Variants in PRKCA observed in about 807,000 individuals in gnomAD.
PRKCA encodes protein kinase C alpha type.
A neutral mutation model predicts 87.0 loss-of-function variants in PRKCA; 27 were observed. The ratio of observed to expected loss-of-function variants is 0.31; its 90% CI spans 0.23 to 0.43. The LOEUF is 0.43. PRKCA is among the 20% of genes least tolerant of loss of function. PRKCA has a pLI of 1.00. For synonymous variants in PRKCA, 329 were observed against 311.1 expected (o/e 1.06, Z -0.61); for missense variants, 518 against 852.3 (o/e 0.61, Z 4.88).
chr17:66,526,206 C>T (rs1209717310), intron 3 of PRKCA, among the ~76,000 whole-genome samples: 18 of 152,044 alleles, frequency 1.2e-4, no homozygotes, highest in African/African-American at 2.2e-4. Context: ...TATGTATATC[C>T]GAAAATTATT....
At chr17:66,652,965 C>G (rs1265513449) in intron 5 of PRKCA, among the ~76,000 whole-genome samples, 1 of 152,256 alleles carries the variant, frequency 6.6e-6, no homozygotes, top group Non-Finnish European at 1.5e-5. Context: ...TGGTTCTGCA[C>G]TGAGGCTGGG....
intron 8 of PRKCA, among the ~76,000 whole-genome samples, chr17:66,695,948 A>T (rs939812990): frequency 6.6e-6 from 1 of 152,194 alleles, no homozygotes; most frequent in Non-Finnish European, 1.5e-5. Flanking sequence ...GAGCTCTCTA[A>T]AGGGAAATAC....
At chr17:66,353,389 A>G (rs999473632) in intron 2 of PRKCA, among the ~76,000 whole-genome samples, 26 of 152,116 alleles carry the variant, frequency 1.7e-4, no homozygotes, top group Admixed American at 1.6e-3. Context: ...GATTCAGAAA[A>G]GGAGTTTGCT....
chr17:66,645,084 C>T, intron 4 of PRKCA, among the ~76,000 whole-genome samples: 1 of 152,208 alleles, frequency 6.6e-6, no homozygotes, highest in Middle Eastern at 3.4e-3. Flanking sequence ...TACATATTTA[C>T]CTGTGTGAAT....
intron 8 of PRKCA, chr17:66,703,238 CA>C (rs1250024164): frequency 1.3e-5 from 2 of 152,072 alleles, no homozygotes; most frequent in Non-Finnish European, 2.9e-5. Context: ...TATAGCTGTA[CA>C]AAAATATTTT....
chr17:66,453,017 G>A (rs1176214665), intron 2 of PRKCA, among the ~76,000 whole-genome samples: 3 of 152,254 alleles, frequency 2.0e-5, no homozygotes, highest in Non-Finnish European at 4.4e-5. Context: ...CATTTGTACA[G>A]TTGGTGGCAT....
At chr17:66,773,525 AT>A (rs967913272) in intron 13 of PRKCA, among the ~76,000 whole-genome samples, 5 of 140,634 alleles carry the variant, frequency 3.6e-5, no homozygotes, top group Admixed American at 7.1e-5. Flanking sequence ...AATTAAAAAA[AT>A]TTTTTTTAAT....
chr17:66,738,237 C>T (rs1029350718), intron 10 of PRKCA, among the ~76,000 whole-genome samples: 1 of 152,202 alleles, frequency 6.6e-6, no homozygotes, highest in African/African-American at 2.4e-5. Flanking sequence ...AGTCCCCTGT[C>T]CCATGTCCAG....
chr17:66,553,887 G>T lies in PRKCA; in HGVS notation c.288+57604G>T, dbSNP rs75799650. ...GTTCAGGAGATGAAGTGTGTGGCCG[G>T]GGTGATCCAGAGAGTCTCCTTGAAA... On this transcript the variant is annotated intron_variant, in intron 3 of 16. Coordinates refer to ENST00000413366, the MANE Select transcript of PRKCA (RefSeq NM_002737.3). Among the ~76,000 whole-genome samples the T allele has an allele frequency of 2.3e-4, 35 of 152,274 alleles. No individual in the cohort carries two copies. In the East Asian group the frequency reaches 6.2e-3, roughly 27 times the overall value.
intron 2 of PRKCA, among the ~76,000 whole-genome samples, chr17:66,409,792 G>T (rs761758797): frequency 2.0e-5 from 3 of 152,174 alleles, no homozygotes; most frequent in Non-Finnish European, 4.4e-5. Context: ...TTAGCCAGAC[G>T]TGGTGGCAGG....
At chr17:66,428,912 G>A (rs185599673) in intron 2 of PRKCA, among the ~76,000 whole-genome samples, 3 of 152,226 alleles carry the variant, frequency 2.0e-5, no homozygotes, top group South Asian at 2.1e-4. Context: ...ATTTAAACTC[G>A]TACTTAAGCA....
intron 8 of PRKCA, among the ~76,000 whole-genome samples, chr17:66,717,115 C>G (rs938823739): frequency 1.3e-5 from 2 of 152,158 alleles, no homozygotes; most frequent in East Asian, 1.9e-4. Context: ...TAAGAAGATA[C>G]AGACATTGTA....
intron 2 of PRKCA, among the ~76,000 whole-genome samples, chr17:66,336,754 TTGTGTGTGTGTGTGTGTG>T (rs148842588): frequency 0.038 from 5,025 of 133,720 alleles, 274 homozygotes; most frequent in African/African-American, 0.13. Context: ...GCAAATAAGT[TTGTGTGTGTGTGTGTGTG>T]TGTGTGTGTG....
chr17:66,317,067 G>A (rs984917597), intron 2 of PRKCA, among the ~76,000 whole-genome samples: 3 of 151,832 alleles, frequency 2.0e-5, no homozygotes, highest in East Asian at 1.9e-4. Flanking sequence ...GCGTGAACCC[G>A]GAAAGCGGAG....
intron 5 of PRKCA, among the ~76,000 whole-genome samples, chr17:66,657,085 G>A (rs1327583898): frequency 6.6e-6 from 1 of 152,182 alleles, no homozygotes; most frequent in East Asian, 1.9e-4. Flanking sequence ...CAGATTTCCT[G>A]AGAAAATATG....
At chr17:66,537,449 G>C (rs1284178672) in intron 3 of PRKCA, among the ~76,000 whole-genome samples, 1 of 152,200 alleles carries the variant, frequency 6.6e-6, no homozygotes, top group East Asian at 1.9e-4. Flanking sequence ...TTTGTGATTT[G>C]ATTGAAACTG....
At chr17:66,751,548 TATTCCTAACTCACACTTC>T (rs1412005073) in intron 13 of PRKCA, among the ~76,000 whole-genome samples, 1 of 152,236 alleles carries the variant, frequency 6.6e-6, no homozygotes, top group Non-Finnish European at 1.5e-5. Context: ...CGACACAAGT[TATTCCTAACTCACACTTC>T]ATTCCTTTAC....
At chr17:66,656,384 G>A (rs558352824) in intron 5 of PRKCA, among the ~76,000 whole-genome samples, 6 of 152,246 alleles carry the variant, frequency 3.9e-5, no homozygotes, top group Non-Finnish European at 7.4e-5. Context: ...TATTTCTGGG[G>A]CCTCTTTCAA....
chr17:66,573,246 G>A (rs1435298436), intron 3 of PRKCA, among the ~76,000 whole-genome samples: 2 of 152,192 alleles, frequency 1.3e-5, no homozygotes, highest in Admixed American at 1.3e-4. Context: ...GAGCAGCTAA[G>A]CCCACACTCC....
Sources: allele counts gnomAD v4.1 joint callset (sites outside exome capture counted in the v4.1 genomes callset), GRCh38; gene constraint gnomAD v4.1.1; transcripts MANE v1.5; gene names NCBI Gene and HGNC (gene_info 2026-07-23, HGNC 2026-07-21).